MAD1L1: variants seen among roughly 807,000 people sequenced by gnomAD.
MAD1L1 encodes the protein mitotic spindle assembly checkpoint protein MAD1.
Under a neutral mutation model 96.9 loss-of-function variants are expected in MAD1L1, and 95 were observed. The observed-to-expected ratio is 0.98, with a 90% CI of 0.83 to 1.16. MAD1L1 has a LOEUF of 1.16. Among genes scored for constraint, MAD1L1 ranks in the 50% most tolerant of loss-of-function variants. MAD1L1 has a pLI of 0.00. For synonymous variants in MAD1L1, 473 were observed against 396.6 expected (o/e 1.19, Z -2.29); for missense variants, 1,007 against 954.4 (o/e 1.06, Z -0.73).
chr7:2,068,465 T>TA (rs1156762808), intron 12 of MAD1L1, among the ~76,000 whole-genome samples: 6 of 152,170 alleles, frequency 3.9e-5, no homozygotes, highest in African/African-American at 1.4e-4. Context: ...TCCCAGTACT[T>TA]GACAGGTGCA....
intron 10 of MAD1L1, among the ~76,000 whole-genome samples, chr7:2,154,362 G>C (rs1417365374): frequency 6.6e-6 from 1 of 152,204 alleles, no homozygotes; most frequent in African/African-American, 2.4e-5. Flanking sequence ...CAGATGAAGA[G>C]AGTTGAGTTA....
intron 10 of MAD1L1, among the ~76,000 whole-genome samples, chr7:2,155,024 G>A (rs1000594294): frequency 6.6e-6 from 1 of 152,178 alleles, no homozygotes; most frequent in Non-Finnish European, 1.5e-5. Flanking sequence ...CCACAGGGGT[G>A]GACTGTGAGC....
At chr7:1,857,404 C>T (rs1313301209) in intron 18 of MAD1L1, among the ~76,000 whole-genome samples, 1 of 152,226 alleles carries the variant, frequency 6.6e-6, no homozygotes, top group East Asian at 1.9e-4. Context: ...CCAGCCACAG[C>T]CTGGTCCCTT....
chr7:1,891,481 G>A lies in MAD1L1; in HGVS notation c.1998+6719C>T, dbSNP rs773438435. Among the ~76,000 whole-genome samples the A allele has an allele frequency of 1.1e-4, 17 of 152,242 alleles. No individual in the cohort carries two copies. The East Asian group carries it at 2.3e-3, about 21-fold the overall frequency. ...GCAGAGGTTGCAGTGAGCCGAAATC[G>A]CGCCACTGCACTCCAGCCTGGTGAC... On this transcript the variant is annotated intron_variant, in intron 18 of 18. Transcript: ENST00000265854.
At chr7:1,913,309 C>T (rs971861404) in intron 17 of MAD1L1, among the ~76,000 whole-genome samples, 1 of 150,794 alleles carries the variant, frequency 6.6e-6, no homozygotes, top group African/African-American at 2.4e-5. Context: ...GGGGTGGGTG[C>T]AGGGAGGACC....
Position 2,002,051 on chromosome 7 carries a change from CG to C in MAD1L1, c.1416+13del, listed in dbSNP as rs1562597063. 6.2e-7 allele frequency: 1 copy of C among 1,613,014 alleles called. No homozygotes were observed. Among genetic ancestry groups the C allele is most frequent in the African/African-American group, 1.3e-5 (1 of 75,066 alleles). ...AGGTGCCCTGAATCCCAGCCACTCC[CG>C]CGTCTGACTCACCATGTCTGCTCTT... On this transcript the variant is annotated intron_variant, in intron 14 of 18. Transcript: ENST00000265854.
chr7:2,023,435 C>T (rs777649516), intron 12 of MAD1L1, among the ~76,000 whole-genome samples: 23 of 152,102 alleles, frequency 1.5e-4, no homozygotes, highest in Non-Finnish European at 8.8e-5. Flanking sequence ...GTAAATAACG[C>T]ATGGGTCAAA....
chr7:2,114,721 C>T lies in MAD1L1; in HGVS notation c.1073+34431G>A, dbSNP rs1229641233. Among the ~76,000 whole-genome samples the T allele has an allele frequency of 1.3e-5, 2 of 152,202 alleles. No homozygotes were observed. The highest frequency in any genetic ancestry group is 2.9e-5 in the Non-Finnish European group (2 of 68,034). ...GAGCACAGCCACCCAGAATCAAATA[C>T]GAATCGCCGCTGCCGCTCTCACAGC... On this transcript the variant is annotated intron_variant, in intron 11 of 18. Coordinates refer to ENST00000265854, the MANE Select transcript of MAD1L1 (RefSeq NM_001013836.2). The surrounding 1 kb of genome is among the most constrained non-coding windows in gnomAD (Gnocchi z 4.2).
intron 6 of MAD1L1, 24 bp downstream of exon 6, chr7:2,219,284 CCCCCACACGTGACCCGACCCCCGA>C: frequency 6.7e-7 from 1 of 1,503,040 alleles, no homozygotes; most frequent in Non-Finnish European, 8.9e-7. Context: ...GGGACGCATG[CCCCCACACGTGACCCGACCCCCGA>C]CCCCACACCC....
chr7:1,932,841 G>A (rs1193802595), intron 17 of MAD1L1, among the ~76,000 whole-genome samples: 2 of 152,244 alleles, frequency 1.3e-5, no homozygotes, highest in Admixed American at 6.5e-5. Flanking sequence ...ACAGTGGGCT[G>A]TACCTCTAAT....
chr7:1,956,629 C>T (rs1779739864), intron 16 of MAD1L1, among the ~76,000 whole-genome samples: 1 of 69,656 alleles, frequency 1.4e-5, no homozygotes, highest in African/African-American at 5.0e-5. Flanking sequence ...GAGAGGGTCA[C>T]AGGTGACACT....
intron 11 of MAD1L1, among the ~76,000 whole-genome samples, chr7:2,143,466 G>C (rs1366368454): frequency 6.6e-6 from 1 of 151,586 alleles, no homozygotes; most frequent in African/African-American, 2.4e-5. Context: ...CTAGTAAACT[G>C]ATCTTCACTC....
chr7:2,183,946 C>A (rs1260417552), intron 10 of MAD1L1, among the ~76,000 whole-genome samples: 2 of 151,634 alleles, frequency 1.3e-5, no homozygotes, highest in Non-Finnish European at 1.5e-5. Flanking sequence ...AAAAACAAAG[C>A]TATTAAGCAA....
chr7:2,151,872 T>G (rs1789588613), intron 10 of MAD1L1, among the ~76,000 whole-genome samples: 1 of 152,148 alleles, frequency 6.6e-6, no homozygotes, highest in Non-Finnish European at 1.5e-5. Flanking sequence ...AAGGCCTCTG[T>G]CTCATGTCAT....
At chr7:1,935,909 C>T (rs1778568152) in intron 17 of MAD1L1, among the ~76,000 whole-genome samples, 3 of 152,160 alleles carry the variant, frequency 2.0e-5, no homozygotes, top group Admixed American at 6.5e-5. Flanking sequence ...ACGCTCCAGG[C>T]TGCTGCTAAG....
At chr7:2,174,473 T>C (rs1790854661) in intron 10 of MAD1L1, among the ~76,000 whole-genome samples, 4 of 152,186 alleles carry the variant, frequency 2.6e-5, no homozygotes, top group African/African-American at 7.2e-5. Context: ...TAGAAGAGGA[T>C]GACGCTCAAG....
At chr7:1,823,190 C>T (rs1345973092) in intron 18 of MAD1L1, among the ~76,000 whole-genome samples, 9 of 152,046 alleles carry the variant, frequency 5.9e-5, no homozygotes, top group South Asian at 2.1e-4. Flanking sequence ...CAGCTGGAGC[C>T]GGAGGAGCTG....
At chr7:2,184,870 C>T (rs1022596163) in intron 10 of MAD1L1, among the ~76,000 whole-genome samples, 6 of 151,828 alleles carry the variant, frequency 4.0e-5, no homozygotes, top group East Asian at 1.9e-4. Context: ...GGCGTGATAG[C>T]GCACGCCTGT....
intron 12 of MAD1L1, among the ~76,000 whole-genome samples, chr7:2,058,870 G>A (rs1784502565): frequency 1.2e-5 from 1 of 82,008 alleles, no homozygotes; most frequent in Non-Finnish European, 2.4e-5. Flanking sequence ...GAGGAGAGGA[G>A]AGGCGCGGGG....
Sources: gnomAD v4.1 joint callset for allele counts (sites outside exome capture counted in the v4.1 genomes callset) on GRCh38, gnomAD v4.1.1 for gene constraint, Gnocchi (gnomAD v3.1) non-coding constraint, MANE v1.5 for transcripts, NCBI Gene and HGNC (gene_info 2026-07-23, HGNC 2026-07-21) for gene names.